DAAM2: variants seen among roughly 807,000 people sequenced by gnomAD.
DAAM2 encodes dishevelled associated activator of morphogenesis 2.
A neutral mutation model predicts 120.7 loss-of-function variants in DAAM2; 39 were observed. The ratio of observed to expected loss-of-function variants is 0.32; its 90% CI spans 0.25 to 0.42. DAAM2 has a LOEUF of 0.42. DAAM2 is among the 10% of genes least tolerant of loss of function. The pLI, the probability that DAAM2 is intolerant of heterozygous loss-of-function variation, is 1.00. For missense variants in DAAM2, 1,283 were observed against 1,401.7 expected, an observed-to-expected ratio of 0.92 and a Z score of 1.35; for synonymous variants, 488 against 524.9, an observed-to-expected ratio of 0.93 and a Z score of 0.96.
At position 39,855,059 on chromosome 6, in the gene DAAM2, G is replaced by A. The variant is rs571395808; in HGVS notation, c.-56-1188G>A. 2.1e-4 allele frequency among the ~76,000 whole-genome samples: 32 copies of A among 152,334 alleles called. 1 individual carries two copies. The highest frequency in any genetic ancestry group is 2.1e-4 in the South Asian group (1 of 4,822). ...TTCTAAAATATCTTGACTGCAAACCGATGATACTCAACAGGGATAAAAACA... is the reference window on the plus strand; with the variant it reads ...TTCTAAAATATCTTGACTGCAAACCAATGATACTCAACAGGGATAAAAACA... On this transcript the variant is annotated intron_variant, in intron 1 of 24. Transcript: ENST00000274867.
intron 1 of DAAM2, among the ~76,000 whole-genome samples, chr6:39,843,653 G>T (rs143977063): frequency 2.9e-3 from 439 of 152,298 alleles, no homozygotes; most frequent in Middle Eastern, 6.8e-3. Context: ...TAAACCAAGC[G>T]CAGGGCCCTT....
chr6:39,895,992 AACAAAAAT>A (rs1448148152), intron 19 of DAAM2, among the ~76,000 whole-genome samples: 1 of 152,216 alleles, frequency 6.6e-6, no homozygotes, highest in Non-Finnish European at 1.5e-5. Context: ...TATTTTATAG[AACAAAAAT>A]AATAGAATAT....
intron 21 of DAAM2, among the ~76,000 whole-genome samples, chr6:39,897,800 C>T (rs955522223): frequency 2.0e-5 from 3 of 152,114 alleles, no homozygotes; most frequent in African/African-American, 4.8e-5. Context: ...AATCAAAATG[C>T]GCATGCTTTC....
rs76124556 is a variant in DAAM2, at chr6:39,896,062, A to G, written c.2342-750A>G. Reference sequence around the variant, plus strand: ...GATTTTTTTTCTTTCCAAAAAACCAATAGAATATAGCATTTCAAGACAGGC... The same window carrying G: ...GATTTTTTTTCTTTCCAAAAAACCAGTAGAATATAGCATTTCAAGACAGGC... On this transcript the variant is annotated intron_variant, in intron 19 of 24. Coordinates refer to ENST00000274867, the MANE Select transcript of DAAM2 (RefSeq NM_001201427.2). Among the ~76,000 whole-genome samples the G allele has an allele frequency of 0.013, 1,993 of 152,274 alleles. 181 individuals are homozygous for G. In the East Asian group the frequency reaches 0.25, roughly 19 times the overall value.
intron 1 of DAAM2, among the ~76,000 whole-genome samples, chr6:39,832,490 G>A (rs954624550): frequency 3.9e-5 from 6 of 152,260 alleles, no homozygotes; most frequent in Non-Finnish European, 5.9e-5. Flanking sequence ...ACTGGGCAGC[G>A]AACATGAATA....
At position 39,901,644 on chromosome 6, in the gene DAAM2, A is replaced by T. The variant is rs1766492676; in HGVS notation, c.2983-169A>T. ...ACTTCTTCCCAGCCTGAGGGAAGAG[A>T]GTGGTGTGAAGCTGGGGGCCTGTAT... On this transcript the variant is annotated intron_variant, in intron 24 of 24. Coordinates refer to ENST00000274867, the MANE Select transcript of DAAM2 (RefSeq NM_001201427.2). This position sits in a 1 kb window ranked among gnomAD's most constrained non-coding sequence, Gnocchi z 4.5. Among the ~76,000 whole-genome samples, 3 of 152,110 alleles carry T rather than the reference A, an allele frequency of 2.0e-5. No individual in the cohort carries two copies. The highest frequency in any genetic ancestry group is 3.4e-3 in the Middle Eastern group (1 of 294).
chr6:39,886,607 G>A (rs1392830479), intron 15 of DAAM2: 1 of 396,586 alleles, frequency 2.5e-6, no homozygotes, highest in Non-Finnish European at 4.4e-6. Flanking sequence ...AGAGAAAGAA[G>A]AAATGTAGCA....
intron 1 of DAAM2, among the ~76,000 whole-genome samples, chr6:39,844,994 C>T (rs1763505048): frequency 6.7e-6 from 1 of 148,490 alleles, no homozygotes; most frequent in South Asian, 2.3e-4. Flanking sequence ...ACACACACTA[C>T]ACACACCACA....
chr6:39,864,862 G>A, intron 4 of DAAM2, 118 bp from the exon 5 acceptor site: 1 of 1,315,320 alleles, frequency 7.6e-7, no homozygotes, highest in Non-Finnish European at 1.1e-6. Flanking sequence ...CTCGGTCTCA[G>A]TAAACCATTC....
chr6:39,832,835 C>G lies in DAAM2; in HGVS notation c.-56-23412C>G, dbSNP rs112986311. 4.2e-3 allele frequency among the ~76,000 whole-genome samples: 642 copies of G among 152,290 alleles called. 4 individuals carry two copies. The highest frequency in any genetic ancestry group is 0.014 in the African/African-American group (586 of 41,570). ...CTGAACTCCATTGAAGGGGCCAGGT[C>G]TGGTCCGGTCCCCAGGGCTTCTGAG... On this transcript the variant is annotated intron_variant, in intron 1 of 24. Transcript: ENST00000274867.
intron 1 of DAAM2, among the ~76,000 whole-genome samples, chr6:39,806,909 C>T (rs1353233988): frequency 6.6e-6 from 1 of 150,516 alleles, no homozygotes; most frequent in Non-Finnish European, 1.5e-5. Context: ...AATAACTCCT[C>T]TTCACTAAGG....
At chr6:39,870,716 G>A (rs1274770757) in intron 8 of DAAM2, among the ~76,000 whole-genome samples, 1 of 152,200 alleles carries the variant, frequency 6.6e-6, no homozygotes, top group African/African-American at 2.4e-5. Flanking sequence ...AATATATGAG[G>A]GTACTCTTTG....
chr6:39,821,312 C>T (rs545288846), intron 1 of DAAM2: 1 of 152,260 alleles, frequency 6.6e-6, no homozygotes, highest in Admixed American at 6.5e-5. Context: ...ATCAAGCACA[C>T]CCCACCCCAG....
chr6:39,868,471 T>G, intron 6 of DAAM2: 1 of 261,996 alleles, frequency 3.8e-6, no homozygotes, highest in Non-Finnish European at 7.3e-6. Flanking sequence ...GGAAAAGGGA[T>G]AAAAGCAGTG....
chr6:39,883,907 T>C, intron 14 of DAAM2, 55 bp from the exon 15 acceptor site: 2 of 1,199,258 alleles, frequency 1.7e-6, no homozygotes, highest in Non-Finnish European at 2.5e-6. Context: ...GCATGGAGCA[T>C]CTTCATGATG....
chr6:39,897,573 C>T (rs925119298), intron 21 of DAAM2, among the ~76,000 whole-genome samples: 3 of 152,102 alleles, frequency 2.0e-5, no homozygotes, highest in African/African-American at 7.2e-5. Context: ...AGACTGGCAC[C>T]AGGAAGACTC....
intron 19 of DAAM2, among the ~76,000 whole-genome samples, chr6:39,894,511 C>CT (rs1367133970): frequency 1.4e-5 from 2 of 147,124 alleles, no homozygotes; most frequent in Non-Finnish European, 3.0e-5. Flanking sequence ...CCCCCAGAGC[C>CT]TTCTTCATGT....
intron 19 of DAAM2, among the ~76,000 whole-genome samples, chr6:39,892,665 T>C (rs1765804827): frequency 6.6e-6 from 1 of 151,898 alleles, no homozygotes; most frequent in South Asian, 2.1e-4. Context: ...GTTTCCAGGA[T>C]GTTGAGGTTA....
chr6:39,840,198 G>T (rs944150047), intron 1 of DAAM2, among the ~76,000 whole-genome samples: 2 of 152,166 alleles, frequency 1.3e-5, no homozygotes, highest in South Asian at 4.1e-4. Context: ...CAGCACTCCA[G>T]CCTGGGCAAT....
Sources: allele counts gnomAD v4.1 joint callset (sites outside exome capture counted in the v4.1 genomes callset), GRCh38; gene constraint gnomAD v4.1.1; non-coding constraint Gnocchi (gnomAD v3.1); transcripts MANE v1.5; gene names NCBI Gene and HGNC (gene_info 2026-07-23, HGNC 2026-07-21).